The following ADGRG5 variants were observed in gnomAD, a reference collection of about 807,000 sequenced individuals.
ADGRG5 encodes the protein adhesion G protein-coupled receptor G5.
A neutral mutation model predicts 53.2 loss-of-function variants in ADGRG5; 37 were observed. The observed-to-expected ratio is 0.70, with a 90% confidence interval of 0.53 to 0.91. The LOEUF is 0.91. Among genes scored for constraint, ADGRG5 ranks in the 40% least tolerant of loss-of-function variants. ADGRG5 has a pLI of 0.00. For missense variants in ADGRG5, 614 were observed against 675.8 expected (o/e 0.91, Z 1.01); for synonymous variants, 277 against 290.4 (o/e 0.95, Z 0.47).
chr16:57,537,321 C>T, the ADGRG5 span, among the ~76,000 whole-genome samples: 1 of 150,976 alleles, frequency 6.6e-6, no homozygotes, highest in Non-Finnish European at 1.5e-5. Flanking sequence ...CGAGGTGAAT[C>T]TATTTAAAAG....
chr16:57,575,511 C>G lies in ADGRG5; in HGVS notation c.1560C>G (p.Ala520=). 6.2e-7 allele frequency: 1 copy of G among 1,614,166 alleles called. No individual in the cohort carries two copies. Among genetic ancestry groups the G allele is most frequent in the Non-Finnish European group, 8.5e-7 (1 of 1,179,984 alleles). The part of the protein sequence containing the change: ...SEAEAKAQIE[A]FSSSQTTQ Reference sequence around the variant, plus strand: ...CAGAGGCCAAGGCACAGATAGAGGCCTTCAGCTCCTCCCAAACAACACAGT... The same window carrying G: ...CAGAGGCCAAGGCACAGATAGAGGCGTTCAGCTCCTCCCAAACAACACAGT... The change falls in exon 12 of 12, where the codon GCC becomes GCG. Residue 520 remains alanine, a synonymous_variant. Coordinates refer to ENST00000349457, the MANE Select transcript of ADGRG5 (RefSeq NM_001304376.3).
chr16:57,556,592 C>T (rs2032887293), intron 1 of ADGRG5, among the ~76,000 whole-genome samples: 1 of 152,148 alleles, frequency 6.6e-6, no homozygotes, highest in African/African-American at 2.4e-5. Context: ...CAACCAAATA[C>T]TTCCATTTCC....
In ADGRG5 at chr16:57,568,069, T is replaced by A; in HGVS notation, c.1035T>A (p.Arg345=). The change falls in exon 9 of 12, where the codon CGT becomes CGA. Residue 345 remains arginine (R), a synonymous_variant. Coordinates refer to ENST00000349457, the MANE Select transcript of ADGRG5 (RefSeq NM_001304376.3). ...EGFNLYLLLG[R]VYNIYIRRYV... is the part of the protein sequence containing the mutation. ...TCAACCTCTACCTCCTCCTCGGGCG[T>A]GTCTACAACATCTACATCCGCAGAT... is the stretch of plus-strand genomic sequence containing the variant. 1 of 1,613,992 alleles carries A rather than the reference T, an allele frequency of 6.2e-7. No individual in the cohort carries two copies. Among genetic ancestry groups the A allele is most frequent in the Non-Finnish European group, 8.5e-7 (1 of 1,179,932 alleles).
chr16:57,531,032 T>C, the ADGRG5 span, among the ~76,000 whole-genome samples: 1 of 151,790 alleles, frequency 6.6e-6, no homozygotes, highest in South Asian at 2.1e-4. Context: ...CCTGGGCTTA[T>C]CCCTCGAATG....
chr16:57,569,719 G>A (rs1262183942), intron 9 of ADGRG5, among the ~76,000 whole-genome samples: 4 of 91,706 alleles, frequency 4.4e-5, no homozygotes, highest in South Asian at 4.0e-4. Context: ...TATCACCATC[G>A]TCATCACATC....
At position 57,563,938 on chromosome 16, in the gene ADGRG5, C is replaced by A; in HGVS notation, c.388C>A (p.Arg130=). Residue 130 remains arginine, a synonymous_variant, in exon 5 of 12, where the codon CGG becomes AGG. Coordinates refer to ENST00000349457, the MANE Select transcript of ADGRG5 (RefSeq NM_001304376.3). ...CTGCAAGACCCGCCCCAGGGAGCTG[C>A]GGCTCATCTGTATCTACTTCTCCAA... The part of the protein sequence containing the change: ...DACKTRPREL[R]LICIYFSNTH... 6.2e-7 allele frequency: 1 copy of A among 1,614,040 alleles called. No homozygotes were observed. Among genetic ancestry groups the A allele is most frequent in the Non-Finnish European group, 8.5e-7 (1 of 1,179,932 alleles).
chr16:57,551,049 T>C (rs1166754408), intron 1 of ADGRG5, among the ~76,000 whole-genome samples: 1 of 152,104 alleles, frequency 6.6e-6, no homozygotes, highest in African/African-American at 2.4e-5. Context: ...AAAAAAGTTA[T>C]GTTTACATTA....
At chr16:57,529,501 G>C in the ADGRG5 span, among the ~76,000 whole-genome samples, 1 of 152,170 alleles carries the variant, frequency 6.6e-6, no homozygotes, top group Non-Finnish European at 1.5e-5. The surrounding 1 kb of genome is among the most constrained non-coding windows in gnomAD (Gnocchi z 4.1). Context: ...CCTCCTCAGT[G>C]GCCTCGACTC....
intron 1 of ADGRG5, among the ~76,000 whole-genome samples, chr16:57,547,294 G>A (rs958093730): frequency 1.3e-5 from 2 of 152,068 alleles, no homozygotes; most frequent in Non-Finnish European, 2.9e-5. Context: ...TTAACATTTT[G>A]GTGGCCACCC....
At chr16:57,536,234 C>T in the ADGRG5 span, among the ~76,000 whole-genome samples, 2 of 151,854 alleles carry the variant, frequency 1.3e-5, no homozygotes, top group African/African-American at 4.8e-5. Flanking sequence ...GCCCGGGCCG[C>T]GGCATTCCGG....
At chr16:57,552,059 A>G (rs944700098) in intron 1 of ADGRG5, among the ~76,000 whole-genome samples, 3 of 151,832 alleles carry the variant, frequency 2.0e-5, no homozygotes, top group Admixed American at 2.0e-4. Context: ...AGGTCTTAAC[A>G]GTGGGTTTAA....
intron 10 of ADGRG5, among the ~76,000 whole-genome samples, chr16:57,573,417 A>C (rs996549817): frequency 4.1e-4 from 57 of 140,716 alleles, no homozygotes; most frequent in African/African-American, 1.6e-3. Flanking sequence ...CTGGTGACAG[A>C]GACTCCCTCT....
At chr16:57,561,664 G>C (rs117809737) in intron 1 of ADGRG5, among the ~76,000 whole-genome samples, 1 of 152,246 alleles carries the variant, frequency 6.6e-6, no homozygotes, top group Non-Finnish European at 1.5e-5. Flanking sequence ...AGGAGAGACA[G>C]ATCCTACCCA....
At chr16:57,547,699 G>A (rs1364010461) in intron 1 of ADGRG5, among the ~76,000 whole-genome samples, 1 of 152,056 alleles carries the variant, frequency 6.6e-6, no homozygotes, top group Non-Finnish European at 1.5e-5. Context: ...CGCCTGCCTC[G>A]GCCTCCCAGA....
intron 1 of ADGRG5, among the ~76,000 whole-genome samples, chr16:57,558,227 C>T (rs898048941): frequency 6.6e-6 from 1 of 152,158 alleles, no homozygotes; most frequent in African/African-American, 2.4e-5. Flanking sequence ...CCTTGGCCTC[C>T]CAAAGTGCTG....
At chr16:57,554,639 G>A (rs1204833196) in intron 1 of ADGRG5, among the ~76,000 whole-genome samples, 1 of 152,170 alleles carries the variant, frequency 6.6e-6, no homozygotes, top group Non-Finnish European at 1.5e-5. Context: ...GCCTCCCAAA[G>A]TGCTGGGATT....
chr16:57,568,203 CT>C (rs1483101268), intron 9 of ADGRG5, 79 bp downstream of exon 9: 1 of 1,443,870 alleles, frequency 6.9e-7, no homozygotes, highest in Non-Finnish European at 9.6e-7. Context: ...TTTCTTTCCC[CT>C]CCTCCTCATC....
intron 7 of ADGRG5, among the ~76,000 whole-genome samples, chr16:57,567,149 C>T (rs552005922): frequency 2.4e-4 from 36 of 152,290 alleles, no homozygotes; most frequent in African/African-American, 8.7e-4. Flanking sequence ...CATCCCTGAC[C>T]CAATCGCTAT....
intron 1 of ADGRG5, among the ~76,000 whole-genome samples, chr16:57,554,566 T>A (rs4784828): frequency 2.6e-5 from 4 of 151,962 alleles, no homozygotes; most frequent in African/African-American, 9.7e-5. Flanking sequence ...TTAGTAGAGA[T>A]GGGGTTTCAC....
Sources: allele counts gnomAD v4.1 joint callset (sites outside exome capture counted in the v4.1 genomes callset), GRCh38; gene constraint gnomAD v4.1.1; non-coding constraint Gnocchi (gnomAD v3.1); transcripts MANE v1.5; gene names NCBI Gene and HGNC (gene_info 2026-07-23, HGNC 2026-07-21).